Variants in RAD51B observed in about 807,000 individuals in gnomAD.
RAD51B encodes DNA repair protein RAD51 homolog 2.
A neutral mutation model predicts 42.2 loss-of-function variants in RAD51B; 38 were observed. That is an observed-to-expected ratio of 0.90 (90% CI 0.70 to 1.18). The LOEUF (loss-of-function observed/expected upper bound fraction) is 1.18, where lower values mean the gene tolerates loss of function less well. RAD51B is among the 50% of genes most tolerant of loss of function. The pLI is 0.00. For missense variants in RAD51B, 373 were observed against 400.7 expected, an observed-to-expected ratio of 0.93 and a Z score of 0.59; for synonymous variants, 154 against 145.2, an observed-to-expected ratio of 1.06 and a Z score of -0.43.
chr14:68,564,848 C>A (rs1229710766), intron 10 of RAD51B, among the ~76,000 whole-genome samples: 1 of 152,202 alleles, frequency 6.6e-6, no homozygotes, highest in Non-Finnish European at 1.5e-5. Context: ...GTGCCAGTGG[C>A]CTGGCTGGCT....
At chr14:68,072,891 A>C (rs1294255140) in intron 7 of RAD51B, among the ~76,000 whole-genome samples, 1 of 152,102 alleles carries the variant, frequency 6.6e-6, no homozygotes, top group East Asian at 1.9e-4. Flanking sequence ...CTGTGGTCTG[A>C]GAATGTGGTT....
chr14:67,952,168 T>A (rs903645083), intron 7 of RAD51B, among the ~76,000 whole-genome samples: 1 of 151,834 alleles, frequency 6.6e-6, no homozygotes, highest in Non-Finnish European at 1.5e-5. Context: ...AGGTAACCAA[T>A]TGTTACACAA....
At chr14:68,459,609 C>T (rs935806224) in intron 9 of RAD51B, among the ~76,000 whole-genome samples, 7 of 152,176 alleles carry the variant, frequency 4.6e-5, no homozygotes, top group Non-Finnish European at 5.9e-5. Context: ...AATTTATCAA[C>T]GACCACGTAA....
At chr14:67,924,809 C>A (rs1020111966) in intron 7 of RAD51B, among the ~76,000 whole-genome samples, 4 of 152,164 alleles carry the variant, frequency 2.6e-5, no homozygotes, top group African/African-American at 9.7e-5. Flanking sequence ...ATTTCAAAAC[C>A]AATCATGCCT....
intron 7 of RAD51B, among the ~76,000 whole-genome samples, chr14:68,021,683 C>T (rs2075869022): frequency 6.6e-6 from 1 of 152,202 alleles, no homozygotes; most frequent in Non-Finnish European, 1.5e-5. Flanking sequence ...CAGTTCCAGA[C>T]TGCTGCAATA....
intron 8 of RAD51B, among the ~76,000 whole-genome samples, chr14:68,342,000 A>G (rs768409420): frequency 2.0e-5 from 3 of 152,244 alleles, no homozygotes; most frequent in Non-Finnish European, 4.4e-5. Flanking sequence ...GTAAGAAAAA[A>G]AAAATCCAGA....
At chr14:68,209,647 G>T (rs1356408784) in intron 7 of RAD51B, among the ~76,000 whole-genome samples, 1 of 152,196 alleles carries the variant, frequency 6.6e-6, no homozygotes, top group African/African-American at 2.4e-5. Context: ...CTTTTGGGAA[G>T]ATGATTGTAA....
intron 7 of RAD51B, among the ~76,000 whole-genome samples, chr14:67,928,748 G>T (rs895040034): frequency 1.3e-5 from 2 of 151,928 alleles, no homozygotes; most frequent in African/African-American, 4.8e-5. Context: ...TGTTAGAAAA[G>T]AAATGGTTTG....
At chr14:67,870,391 C>G (rs974355298) in intron 5 of RAD51B, among the ~76,000 whole-genome samples, 9 of 150,082 alleles carry the variant, frequency 6.0e-5, no homozygotes, top group Middle Eastern at 3.5e-3. Flanking sequence ...GCTAACTATC[C>G]TAAATATATA....
intron 7 of RAD51B, among the ~76,000 whole-genome samples, chr14:68,097,717 G>C (rs1028435438): frequency 6.6e-6 from 1 of 152,138 alleles, no homozygotes; most frequent in African/African-American, 2.4e-5. Flanking sequence ...CTGGAAAAAC[G>C]TATCTTCCTT....
chr14:68,370,133 C>T (rs886556255), intron 8 of RAD51B, among the ~76,000 whole-genome samples: 9 of 152,202 alleles, frequency 5.9e-5, no homozygotes, highest in Admixed American at 2.6e-4. Flanking sequence ...TTAAGCTCAT[C>T]ACCAAGGTCT....
At chr14:68,465,950 A>AAAAAAAAT (rs1439654535) in intron 9 of RAD51B, among the ~76,000 whole-genome samples, 154 of 81,408 alleles carry the variant, frequency 1.9e-3, no homozygotes, top group African/African-American at 5.2e-3. Context: ...CAAAAAAAAA[A>AAAAAAAAT]AAAATAAATA....
chr14:68,631,881 A>G (rs1162501200), intron 10 of RAD51B, among the ~76,000 whole-genome samples: 1 of 152,180 alleles, frequency 6.6e-6, no homozygotes, highest in Non-Finnish European at 1.5e-5. Flanking sequence ...TCCACACTGT[A>G]TAACCATCAC....
intron 7 of RAD51B, among the ~76,000 whole-genome samples, chr14:67,974,006 C>T (rs1189917696): frequency 6.6e-6 from 1 of 151,980 alleles, no homozygotes; most frequent in African/African-American, 2.4e-5. Context: ...ATTTTAGATT[C>T]AGATAAATGC....
chr14:68,014,251 G>A (rs1270167103), intron 7 of RAD51B, among the ~76,000 whole-genome samples: 2 of 146,660 alleles, frequency 1.4e-5, no homozygotes, highest in Non-Finnish European at 3.0e-5. Context: ...AACTTTGTAT[G>A]AGTTATTGTT....
intron 8 of RAD51B, among the ~76,000 whole-genome samples, chr14:68,400,684 A>C (rs958047117): frequency 2.6e-5 from 4 of 152,210 alleles, no homozygotes; most frequent in African/African-American, 9.6e-5. Flanking sequence ...AACATATTTT[A>C]TGCAAGCATC....
At chr14:68,655,229 G>A (rs546307513) in intron 11 of RAD51B, among the ~76,000 whole-genome samples, 1 of 152,162 alleles carries the variant, frequency 6.6e-6, no homozygotes, top group African/African-American at 2.4e-5. Flanking sequence ...CTCAATGCAG[G>A]AACAAGGGGC....
intron 7 of RAD51B, among the ~76,000 whole-genome samples, chr14:68,033,420 T>C (rs1229568440): frequency 6.6e-6 from 1 of 151,834 alleles, no homozygotes; most frequent in Non-Finnish European, 1.5e-5. Flanking sequence ...CATCAAATCT[T>C]TTTTTTTTCT....
intron 8 of RAD51B, among the ~76,000 whole-genome samples, chr14:68,365,540 C>G (rs149062741): frequency 1.2e-4 from 19 of 152,322 alleles, no homozygotes; most frequent in Middle Eastern, 3.4e-3. Context: ...TTTTCCAAAA[C>G]CACATGAGGA....
Sources: allele counts gnomAD v4.1 joint callset (sites outside exome capture counted in the v4.1 genomes callset), GRCh38; gene constraint gnomAD v4.1.1; transcripts MANE v1.5; gene names NCBI Gene and HGNC (gene_info 2026-07-23, HGNC 2026-07-21).